Variants in NAALADL2 observed in about 807,000 individuals in gnomAD.
The protein encoded by NAALADL2 is inactive N-acetylated-alpha-linked acidic dipeptidase-like protein 2.
NAALADL2 carries 76 observed loss-of-function variants against 87.2 expected under a neutral mutation model. The observed-to-expected ratio is 0.87, with a 90% confidence interval of 0.72 to 1.05. The LOEUF (loss-of-function observed/expected upper bound fraction) is 1.05, where lower values mean the gene tolerates loss of function less well. Among genes scored for constraint, NAALADL2 ranks in the 50% least tolerant of loss-of-function variants. The probability of loss-of-function intolerance (pLI) is 0.00; values close to 1 mark genes in which losing one functional copy is unlikely to be tolerated. For synonymous variants in NAALADL2, 354 were observed against 331.0 expected (o/e 1.07, Z -0.75); for missense variants, 1,089 against 945.8 (o/e 1.15, Z -1.99).
intron 1 of NAALADL2, among the ~76,000 whole-genome samples, chr3:174,519,885 A>G (rs1258474686): frequency 6.6e-6 from 1 of 152,172 alleles, no homozygotes; most frequent in Non-Finnish European, 1.5e-5. Context: ...AGCCAACATC[A>G]TACTGAATGG....
intron 1 of NAALADL2, among the ~76,000 whole-genome samples, chr3:175,010,588 C>G (rs1228233082): frequency 6.6e-6 from 1 of 152,128 alleles, no homozygotes; most frequent in African/African-American, 2.4e-5. Context: ...TGGAGAAACA[C>G]AATGGTTTTT....
chr3:174,961,398 AG>A (rs1358954510), intron 1 of NAALADL2, among the ~76,000 whole-genome samples: 1 of 152,064 alleles, frequency 6.6e-6, no homozygotes, highest in Non-Finnish European at 1.5e-5. Context: ...AAATCTTAAA[AG>A]CAAGAATTTC....
intron 1 of NAALADL2, among the ~76,000 whole-genome samples, chr3:175,052,405 TCTC>T (rs1755530675): frequency 6.6e-6 from 1 of 152,218 alleles, no homozygotes; most frequent in African/African-American, 2.4e-5. Context: ...CCCAACATGT[TCTC>T]CTTCTTTGAT....
At chr3:175,246,586 C>T (rs1044862175) in intron 3 of NAALADL2, among the ~76,000 whole-genome samples, 7 of 152,276 alleles carry the variant, frequency 4.6e-5, no homozygotes, top group Admixed American at 2.0e-4. Context: ...GGAGTCCCAG[C>T]CACCCACAGG....
chr3:174,519,324 TCC>T lies in NAALADL2; in HGVS notation c.-183-31244_-183-31243del, dbSNP rs1560026573. Among the ~76,000 whole-genome samples, 347 of 149,858 alleles carry T rather than the reference TCC, an allele frequency of 2.3e-3. 8 individuals are homozygous for T. The highest frequency in any genetic ancestry group is 8.4e-3 in the African/African-American group (334 of 39,988). On this transcript the variant is annotated intron_variant, in intron 1 of 3. Coordinates refer to the NAALADL2 transcript ENST00000434257. ...TGAAACAAGTGAATGAATGAAGATT[TCC>T]TTTTTTTTTTTTTTTTTTGAGACAG...
chr3:175,792,327 T>C (rs897429602), intron 13 of NAALADL2, among the ~76,000 whole-genome samples: 18 of 151,816 alleles, frequency 1.2e-4, no homozygotes, highest in African/African-American at 4.4e-4. Context: ...TTTCTAGTTT[T>C]TGTAATTAAC....
At chr3:175,064,806 G>T (rs558040675) in intron 1 of NAALADL2, among the ~76,000 whole-genome samples, 1 of 152,052 alleles carries the variant, frequency 6.6e-6, no homozygotes, top group African/African-American at 2.4e-5. Context: ...AACTCTCTGC[G>T]TAGAAATCCT....
intron 5 of NAALADL2, among the ~76,000 whole-genome samples, chr3:175,366,873 A>C (rs1399147071): frequency 6.6e-6 from 1 of 151,618 alleles, no homozygotes; most frequent in Non-Finnish European, 1.5e-5. Context: ...ATTAGATCCC[A>C]TTTGTCAATT....
At chr3:174,738,204 C>T (rs1311506072) in intron 3 of NAALADL2, among the ~76,000 whole-genome samples, 1 of 152,174 alleles carries the variant, frequency 6.6e-6, no homozygotes, top group Non-Finnish European at 1.5e-5. Context: ...TTTTGGAACA[C>T]TTCTCAGTAC....
intron 4 of NAALADL2, chr3:175,257,048 G>A (rs1254762219): frequency 6.6e-6 from 1 of 152,034 alleles, no homozygotes; most frequent in Non-Finnish European, 1.5e-5. Context: ...ATTGCTAAGA[G>A]TAGCAGAATT....
chr3:175,044,976 C>T (rs1754499947), intron 1 of NAALADL2, among the ~76,000 whole-genome samples: 1 of 151,438 alleles, frequency 6.6e-6, no homozygotes, highest in Admixed American at 6.6e-5. Flanking sequence ...TCCCTTTACA[C>T]ATAATAGGAT....
intron 1 of NAALADL2, among the ~76,000 whole-genome samples, chr3:174,994,021 C>T (rs111603616): frequency 3.3e-5 from 5 of 152,280 alleles, no homozygotes; most frequent in African/African-American, 1.2e-4. Context: ...AGGGCCCACC[C>T]TACTGCACTA....
intron 5 of NAALADL2, among the ~76,000 whole-genome samples, chr3:175,334,681 G>A (rs866971653): frequency 6.6e-6 from 1 of 152,108 alleles, no homozygotes; most frequent in Non-Finnish European, 1.5e-5. Context: ...CTCCACATCA[G>A]TTCTTAGAGA....
chr3:174,674,695 G>A (rs1726882141), intron 2 of NAALADL2, among the ~76,000 whole-genome samples: 2 of 151,952 alleles, frequency 1.3e-5, no homozygotes, highest in South Asian at 4.2e-4. Flanking sequence ...TGAGGAAACA[G>A]GGTCTATTTT....
chr3:175,169,097 CA>C (rs1180399094), intron 2 of NAALADL2, among the ~76,000 whole-genome samples: 1 of 151,564 alleles, frequency 6.6e-6, no homozygotes, highest in Non-Finnish European at 1.5e-5. Flanking sequence ...AGCTGATCTT[CA>C]TGATTGAAGT....
At chr3:175,290,442 G>T (rs548090664) in intron 4 of NAALADL2, among the ~76,000 whole-genome samples, 255 of 152,232 alleles carry the variant, frequency 1.7e-3, no homozygotes, top group African/African-American at 5.9e-3. Flanking sequence ...CCTACAATTG[G>T]CAGTTGGGGT....
At chr3:175,271,016 A>G (rs1752752927) in intron 4 of NAALADL2, 1 of 152,192 alleles carries the variant, frequency 6.6e-6, no homozygotes, top group Non-Finnish European at 1.5e-5. Context: ...TCATATATGT[A>G]TAAAGGAGTT....
intron 1 of NAALADL2, among the ~76,000 whole-genome samples, chr3:174,872,425 A>T (rs1365266487): frequency 6.6e-6 from 1 of 152,176 alleles, no homozygotes; most frequent in Non-Finnish European, 1.5e-5. Flanking sequence ...TCATATAATG[A>T]TGGTTTACTT....
At chr3:174,918,557 G>T (rs1311001285) in intron 1 of NAALADL2, among the ~76,000 whole-genome samples, 1 of 152,108 alleles carries the variant, frequency 6.6e-6, no homozygotes, top group Non-Finnish European at 1.5e-5. Context: ...TCAAGGATCT[G>T]GCGGTTGATT....
Sources: gnomAD v4.1 joint callset for allele counts (sites outside exome capture counted in the v4.1 genomes callset) on GRCh38, gnomAD v4.1.1 for gene constraint, MANE v1.5 for transcripts, NCBI Gene and HGNC (gene_info 2026-07-23, HGNC 2026-07-21) for gene names.